Variants in MALRD1 observed in about 807,000 individuals in gnomAD.
The protein encoded by MALRD1 is MAM and LDL receptor class A domain containing 1.
MALRD1 carries 247 observed loss-of-function variants against 242.1 expected under a neutral mutation model. The ratio of observed to expected loss-of-function variants is 1.02; its 90% confidence interval spans 0.92 to 1.13. MALRD1 has a LOEUF of 1.13. MALRD1 is among the 50% of genes most tolerant of loss of function. MALRD1 has a pLI of 0.00. For missense variants in MALRD1, 2,989 were observed against 2,533.1 expected (o/e 1.18, Z -3.86); for synonymous variants, 995 against 866.6 (o/e 1.15, Z -2.60).
rs1564417583 is a variant in MALRD1, at chr10:19,530,439, A to AT, written c.5321-754dup. Among the ~76,000 whole-genome samples, 98 of 90,674 alleles carry AT rather than the reference A, an allele frequency of 1.1e-3. 16 individuals carry two copies. The highest frequency in any genetic ancestry group is 5.1e-3 in the Middle Eastern group (1 of 198). The allele number at this position is 90,674 out of a possible 152,430, so 59.5% of individuals were successfully genotyped here. A position where few individuals can be genotyped will look rare whatever the true frequency, so the allele number is the denominator to read the frequency against. On this transcript the variant is annotated intron_variant, in intron 31 of 39. Transcript: ENST00000454679. ...TAATAATAAATATATAATATATATA[A>AT]TATATAATATATAATATATAATAAT...
chr10:19,659,767 C>G (rs1763621108), intron 36 of MALRD1, among the ~76,000 whole-genome samples: 1 of 152,030 alleles, frequency 6.6e-6, no homozygotes, highest in East Asian at 1.9e-4. Context: ...ACTCATGCCC[C>G]TGTTGCATTT....
At chr10:19,649,940 A>G (rs937175400) in intron 36 of MALRD1, among the ~76,000 whole-genome samples, 5 of 152,218 alleles carry the variant, frequency 3.3e-5, no homozygotes, top group African/African-American at 7.2e-5. Flanking sequence ...AATCTTCTGC[A>G]TATGACTAGC....
At chr10:19,678,827 A>G (rs1271390316) in intron 36 of MALRD1, among the ~76,000 whole-genome samples, 1 of 152,172 alleles carries the variant, frequency 6.6e-6, no homozygotes, top group Non-Finnish European at 1.5e-5. Context: ...CGTTCCATCA[A>G]TACCTAGTTT....
chr10:19,200,645 G>GTTTTTTT (rs71387053), intron 14 of MALRD1, among the ~76,000 whole-genome samples: 2 of 69,450 alleles, frequency 2.9e-5, no homozygotes, highest in African/African-American at 5.9e-5. Flanking sequence ...CCTGCTTGAG[G>GTTTTTTT]TTTTTTTTTT....
chr10:19,455,408 G>T (rs1835593411), intron 29 of MALRD1, among the ~76,000 whole-genome samples: 1 of 152,162 alleles, frequency 6.6e-6, no homozygotes, highest in African/African-American at 2.4e-5. Context: ...TATGTCAGCT[G>T]TTAATATCCC....
rs541521777 is a variant in MALRD1 at position 19,072,808 on chromosome 10, A to G, written c.340+5949A>G. Among the ~76,000 whole-genome samples, 10 of 152,246 alleles carry G rather than the reference A, an allele frequency of 6.6e-5. No homozygotes were observed. In the South Asian group the frequency reaches 2.1e-3, roughly 32 times the overall value. ...GGGGGAAATTTTTTTATAGTAGTCAATCCTCTTTCTTTAAAATAAATACTT... is the reference window on the plus strand; with the variant it reads ...GGGGGAAATTTTTTTATAGTAGTCAGTCCTCTTTCTTTAAAATAAATACTT... On this transcript the variant is annotated intron_variant, in intron 2 of 39. Coordinates refer to ENST00000454679, the MANE Select transcript of MALRD1 (RefSeq NM_001142308.3).
At chr10:19,120,952 C>G (rs1451305220) in intron 5 of MALRD1, among the ~76,000 whole-genome samples, 1 of 151,924 alleles carries the variant, frequency 6.6e-6, no homozygotes, top group African/African-American at 2.4e-5. Flanking sequence ...CCATGTTGGC[C>G]AGGCTGATCT....
chr10:19,556,706 A>C (rs1266372424), intron 32 of MALRD1, among the ~76,000 whole-genome samples: 1 of 152,178 alleles, frequency 6.6e-6, no homozygotes, highest in Non-Finnish European at 1.5e-5. Context: ...ATTATAAATA[A>C]AGTTGCTATA....
At chr10:19,564,444 G>A (rs1836165907) in intron 32 of MALRD1, among the ~76,000 whole-genome samples, 1 of 151,936 alleles carries the variant, frequency 6.6e-6, no homozygotes, top group Admixed American at 6.6e-5. Context: ...TAACCTTGAT[G>A]ATAACATAAA....
chr10:19,721,245 G>T (rs1564568998), intron 38 of MALRD1, among the ~76,000 whole-genome samples: 1 of 152,076 alleles, frequency 6.6e-6, no homozygotes, highest in Non-Finnish European at 1.5e-5. Context: ...CTTTTATCTG[G>T]AAGATTGGAT....
intron 26 of MALRD1, among the ~76,000 whole-genome samples, chr10:19,353,220 T>C (rs993098467): frequency 6.6e-6 from 1 of 152,066 alleles, no homozygotes; most frequent in Admixed American, 6.6e-5. Context: ...TTGCCTAGGT[T>C]GGTCTCAGAC....
intron 36 of MALRD1, among the ~76,000 whole-genome samples, chr10:19,689,947 C>T (rs1842750863): frequency 6.6e-6 from 1 of 152,004 alleles, no homozygotes; most frequent in Non-Finnish European, 1.5e-5. Context: ...TCAGTAATCT[C>T]TACTCCCATT....
At chr10:19,610,942 G>C (rs1838867136) in intron 35 of MALRD1, among the ~76,000 whole-genome samples, 1 of 151,934 alleles carries the variant, frequency 6.6e-6, no homozygotes, top group Non-Finnish European at 1.5e-5. Flanking sequence ...AATGGTAGTG[G>C]TGATGGTGAT....
At chr10:19,067,738 C>T (rs1190500850) in intron 2 of MALRD1, among the ~76,000 whole-genome samples, 1 of 151,912 alleles carries the variant, frequency 6.6e-6, no homozygotes, top group Non-Finnish European at 1.5e-5. Context: ...AATAATGATG[C>T]TAAATTTTTA....
At chr10:19,487,917 T>G (rs1474660785) in intron 29 of MALRD1, among the ~76,000 whole-genome samples, 6 of 152,298 alleles carry the variant, frequency 3.9e-5, no homozygotes, top group African/African-American at 1.2e-4. Flanking sequence ...ATGGGCATAA[T>G]CCAAAGACTC....
At chr10:19,178,764 G>T (rs1000058358) in intron 14 of MALRD1, among the ~76,000 whole-genome samples, 4 of 152,310 alleles carry the variant, frequency 2.6e-5, no homozygotes, top group East Asian at 3.9e-4. Flanking sequence ...GATGCAGGTT[G>T]TATTTCATCC....
chr10:19,396,901 AT>A (rs1226576058), intron 28 of MALRD1, among the ~76,000 whole-genome samples: 1 of 152,192 alleles, frequency 6.6e-6, no homozygotes, highest in African/African-American at 2.4e-5. Flanking sequence ...TCCTTATCGT[AT>A]TTAATATAAC....
At chr10:19,179,698 A>T (rs1835414772) in intron 14 of MALRD1, among the ~76,000 whole-genome samples, 1 of 152,192 alleles carries the variant, frequency 6.6e-6, no homozygotes, top group African/African-American at 2.4e-5. Context: ...TTATTAAATT[A>T]TTTTTAACAT....
intron 11 of MALRD1, among the ~76,000 whole-genome samples, chr10:19,154,067 G>T (rs1834038787): frequency 6.6e-6 from 1 of 152,144 alleles, no homozygotes; most frequent in Non-Finnish European, 1.5e-5. Context: ...GAAGCATAGA[G>T]AATTTAATGA....
Sources: gnomAD v4.1 joint callset for allele counts (sites outside exome capture counted in the v4.1 genomes callset) on GRCh38, gnomAD v4.1.1 for gene constraint, MANE v1.5 for transcripts, NCBI Gene and HGNC (gene_info 2026-07-23, HGNC 2026-07-21) for gene names.